The following LRRC4C variants were observed in gnomAD, a reference collection of about 807,000 sequenced individuals.
LRRC4C encodes the protein leucine rich repeat containing 4C.
Under a neutral mutation model 33.6 loss-of-function variants are expected in LRRC4C, and 5 were observed. That is an observed-to-expected ratio of 0.15 (90% CI 0.08 to 0.31). The LOEUF is 0.31. Ranked by LOEUF, LRRC4C falls within the 10% of genes least tolerant of loss-of-function variation. LRRC4C has a pLI of 1.00. For missense variants in LRRC4C, 560 were observed against 796.7 expected, an observed-to-expected ratio of 0.70 and a Z score of 3.58; for synonymous variants, 329 against 302.0, an observed-to-expected ratio of 1.09 and a Z score of -0.93.
intron 3 of LRRC4C, among the ~76,000 whole-genome samples, chr11:40,453,812 A>G (rs888880604): frequency 1.3e-5 from 2 of 152,192 alleles, no homozygotes; most frequent in African/African-American, 4.8e-5. Flanking sequence ...TGGGGTGAGA[A>G]ATCACTGTAC....
At chr11:40,129,142 C>T (rs919149384) in intron 6 of LRRC4C, among the ~76,000 whole-genome samples, 1 of 152,110 alleles carries the variant, frequency 6.6e-6, no homozygotes, top group Non-Finnish European at 1.5e-5. Context: ...GTTGAAAACT[C>T]ATTAAGTCAA....
intron 3 of LRRC4C, among the ~76,000 whole-genome samples, chr11:40,647,043 G>A (rs1370976679): frequency 6.6e-6 from 1 of 152,178 alleles, no homozygotes; most frequent in East Asian, 1.9e-4. Context: ...TCCAAACAAA[G>A]TGATATCTCT....
At chr11:40,603,927 C>T (rs1960291252) in intron 3 of LRRC4C, among the ~76,000 whole-genome samples, 1 of 152,102 alleles carries the variant, frequency 6.6e-6, no homozygotes, top group Non-Finnish European at 1.5e-5. Context: ...AAGCCTAGGT[C>T]TATTCACTGA....
chr11:41,421,943 C>T (rs952014751), intron 1 of LRRC4C, among the ~76,000 whole-genome samples: 4 of 151,978 alleles, frequency 2.6e-5, no homozygotes, highest in Non-Finnish European at 5.9e-5. Flanking sequence ...ACTTTTGTCC[C>T]TGATTGTATC....
At chr11:41,459,265 C>A (rs1956263927) in intron 1 of LRRC4C, among the ~76,000 whole-genome samples, 166 bp downstream of exon 1, 2 of 152,086 alleles carry the variant, frequency 1.3e-5, no homozygotes, top group South Asian at 4.1e-4. Context: ...GAAATAACCT[C>A]CTTGGCATAA....
At position 40,115,143 on chromosome 11, in the gene LRRC4C, C is replaced by A. The variant is rs1243295901; in HGVS notation, c.1150G>T (p.Val384Leu). Reference sequence around the variant, plus strand: ...GTTCCATTTGGAGTAATCCAAGATACAGATGTCAGGGATGTGGAGGCCCGA... The same window carrying A: ...GTTCCATTTGGAGTAATCCAAGATAAAGATGTCAGGGATGTGGAGGCCCGA... ...KCRASTSLTSVSWITPNGTVM... is the reference protein window; with the variant it reads ...KCRASTSLTSLSWITPNGTVM... The change falls in exon 7 of 7, where the codon GTA becomes TTA. Residue 384 changes from valine (V) to leucine (L), a missense_variant. Transcript: ENST00000528697. The surrounding 1 kb of genome is among the most constrained non-coding windows in gnomAD (Gnocchi z 6.7). 1.2e-6 allele frequency: 2 copies of A among 1,614,206 alleles called. No individual in the cohort carries two copies. Among genetic ancestry groups the A allele is most frequent in the South Asian group, 2.2e-5 (2 of 91,076 alleles).
At chr11:41,026,067 T>C (rs1369935290) in intron 1 of LRRC4C, among the ~76,000 whole-genome samples, 3 of 151,810 alleles carry the variant, frequency 2.0e-5, no homozygotes, top group Non-Finnish European at 3.0e-5. Flanking sequence ...CTGTAACCTA[T>C]GGATCAAAGA....
At chr11:40,373,059 CA>C (rs1948520466) in intron 3 of LRRC4C, among the ~76,000 whole-genome samples, 1 of 152,086 alleles carries the variant, frequency 6.6e-6, no homozygotes, top group Non-Finnish European at 1.5e-5. Context: ...ATATTTCTGA[CA>C]TTTTTAATAA....
At chr11:40,276,440 T>C (rs1943104325) in intron 4 of LRRC4C, among the ~76,000 whole-genome samples, 1 of 152,156 alleles carries the variant, frequency 6.6e-6, no homozygotes, top group Non-Finnish European at 1.5e-5. Context: ...ATATTAAAGC[T>C]ACGGTTATAT....
chr11:41,193,415 C>A (rs1039223502), intron 1 of LRRC4C, among the ~76,000 whole-genome samples: 1 of 152,050 alleles, frequency 6.6e-6, no homozygotes, highest in African/African-American at 2.4e-5. Context: ...TGGAAGATAA[C>A]CCCAATAGAC....
intron 2 of LRRC4C, among the ~76,000 whole-genome samples, chr11:40,922,041 T>A (rs1957206413): frequency 6.6e-6 from 1 of 152,196 alleles, no homozygotes; most frequent in Non-Finnish European, 1.5e-5. Context: ...ATACTCTCAG[T>A]TATCAAATAC....
At chr11:40,954,824 T>A (rs1018602503) in intron 1 of LRRC4C, among the ~76,000 whole-genome samples, 3 of 151,774 alleles carry the variant, frequency 2.0e-5, no homozygotes, top group African/African-American at 7.2e-5. Flanking sequence ...TCACTGGAGG[T>A]AATTTTGGGT....
intron 5 of LRRC4C, among the ~76,000 whole-genome samples, chr11:40,192,734 G>A (rs190336904): frequency 6.1e-4 from 93 of 152,286 alleles, no homozygotes; most frequent in Non-Finnish European, 1.0e-3. Context: ...ACAGCAGTCT[G>A]AAGTTGACCT....
chr11:40,361,416 G>A (rs554033058), intron 3 of LRRC4C, among the ~76,000 whole-genome samples: 25 of 152,220 alleles, frequency 1.6e-4, no homozygotes, highest in African/African-American at 5.8e-4. Context: ...ATACACCAAC[G>A]ACAGTCAAGC....
At chr11:40,859,872 C>T (rs1254737379) in intron 2 of LRRC4C, among the ~76,000 whole-genome samples, 10 of 151,948 alleles carry the variant, frequency 6.6e-5, no homozygotes, top group Admixed American at 6.6e-5. Context: ...GTCAGGAGAT[C>T]GAGACCATCC....
At chr11:41,454,142 C>G (rs1191608297) in intron 1 of LRRC4C, among the ~76,000 whole-genome samples, 1 of 152,094 alleles carries the variant, frequency 6.6e-6, no homozygotes, top group South Asian at 2.1e-4. Flanking sequence ...TACCGAAATA[C>G]CTGGGTCAAG....
chr11:40,912,171 G>A (rs972706885), intron 2 of LRRC4C, among the ~76,000 whole-genome samples: 5 of 152,046 alleles, frequency 3.3e-5, no homozygotes, highest in Non-Finnish European at 7.4e-5. Context: ...GCAGGCCAAC[G>A]TTCAAATTCA....
At chr11:41,457,238 G>A (rs1191958708) in intron 1 of LRRC4C, among the ~76,000 whole-genome samples, 2 of 152,088 alleles carry the variant, frequency 1.3e-5, no homozygotes, top group Non-Finnish European at 2.9e-5. Context: ...TAGCCTCAAT[G>A]GAGAGAGGTA....
intron 2 of LRRC4C, among the ~76,000 whole-genome samples, chr11:40,782,092 G>A (rs1186587128): frequency 6.6e-6 from 1 of 151,986 alleles, no homozygotes; most frequent in Non-Finnish European, 1.5e-5. Context: ...CTTAAAATGG[G>A]CATTACTGAT....
Sources: gnomAD v4.1 joint callset for allele counts (sites outside exome capture counted in the v4.1 genomes callset) on GRCh38, gnomAD v4.1.1 for gene constraint, Gnocchi (gnomAD v3.1) non-coding constraint, MANE v1.5 for transcripts, NCBI Gene and HGNC (gene_info 2026-07-23, HGNC 2026-07-21) for gene names.